The following UPK2 variants were observed in gnomAD, a reference collection of about 807,000 sequenced individuals.
UPK2 encodes the protein uroplakin 2.
A neutral mutation model predicts 14.8 loss-of-function variants in UPK2; 19 were observed. That is an observed-to-expected ratio of 1.29 (90% CI 0.90 to 1.89). The LOEUF is 1.89. UPK2 is among the 40% of genes most tolerant of loss of function. The probability of loss-of-function intolerance (pLI) is 0.00; values close to 1 mark genes in which losing one functional copy is unlikely to be tolerated. For missense variants in UPK2, 232 were observed against 236.0 expected, an observed-to-expected ratio of 0.98 and a Z score of 0.11; for synonymous variants, 102 against 101.6, an observed-to-expected ratio of 1.00 and a Z score of -0.02.
At chr11:118,957,093 T>C (rs1343777399) in intron 2 of UPK2, 79 bp downstream of exon 2, 13 of 1,606,332 alleles carry the variant, frequency 8.1e-6, no homozygotes, top group Non-Finnish European at 1.0e-5. Flanking sequence ...CTTTTCCCCA[T>C]TCATGCCTTC....
Position 118,956,853 on chromosome 11 carries a change from C to T in UPK2, c.77-30C>T. 3 of 1,613,184 alleles carry T rather than the reference C, an allele frequency of 1.9e-6. No individual in the cohort carries two copies. Among genetic ancestry groups the T allele is most frequent in the Non-Finnish European group, 2.5e-6 (3 of 1,179,642 alleles). On this transcript the variant is annotated intron_variant, in intron 1 of 4. Transcript: ENST00000264031. The surrounding 1 kb of genome is among the most constrained non-coding windows in gnomAD (Gnocchi z 4.1). ...TCTGTTGGCCAGGAGGGGTCAGTCC[C>T]CATCGGAGCTCCCTCCTGCCTCCCA...
Position 118,957,030 on chromosome 11 carries a change from C to T in UPK2, c.208+16C>T, listed in dbSNP as rs1174096637. The T allele has an allele frequency of 3.1e-6, 5 of 1,613,752 alleles. No individual in the cohort carries two copies. Among genetic ancestry groups the T allele is most frequent in the East Asian group, 4.5e-5 (2 of 44,882 alleles). ...GACAGCAAAGGTCTGCTACCTTCTC[C>T]CAAGGCATCCCTCTAGTCCCCAAAG... is the stretch of plus-strand genomic sequence containing the variant. On this transcript the variant is annotated intron_variant, in intron 2 of 4. Coordinates refer to ENST00000264031, the MANE Select transcript of UPK2 (RefSeq NM_006760.4).
At chr11:118,957,760 G>A in intron 4 of UPK2, 92 bp downstream of exon 4, 1 of 1,495,516 alleles carries the variant, frequency 6.7e-7, no homozygotes, top group East Asian at 2.3e-5. Context: ...GGTTGCCTGT[G>A]CCTCCCCGTG....
rs777341891 is a variant in UPK2, at chr11:118,956,445, A to T, written c.76+19A>T. The T allele has an allele frequency of 2.7e-5, 40 of 1,491,276 alleles. No homozygotes were observed. The highest frequency in any genetic ancestry group is 3.5e-5 in the Non-Finnish European group (38 of 1,077,336). 92.4% of individuals were successfully genotyped at this position (1,491,276 alleles called of 1,614,324 possible). On this transcript the variant is annotated intron_variant, in intron 1 of 4. Coordinates refer to ENST00000264031, the MANE Select transcript of UPK2 (RefSeq NM_006760.4). This position sits in a 1 kb window ranked among gnomAD's most constrained non-coding sequence, Gnocchi z 4.1. ...GCTGCAGGTCTCTTCCATCTCTGGC[A>T]GGGGTGGGAAGGGGGCTGGGGGCCT...
Position 118,956,810 on chromosome 11 carries a change from C to A in UPK2, c.77-73C>A. On this transcript the variant is annotated intron_variant, in intron 1 of 4. Coordinates refer to ENST00000264031, the MANE Select transcript of UPK2 (RefSeq NM_006760.4). This position sits in a 1 kb window ranked among gnomAD's most constrained non-coding sequence, Gnocchi z 4.1. ...CACAGAGTGGAAAGGGAGATGGCTC[C>A]AATGGGACCGGGCCAGATCTGTTGG... 6 of 1,590,756 alleles carry A rather than the reference C, an allele frequency of 3.8e-6. No homozygotes were observed. Among genetic ancestry groups the A allele is most frequent in the Middle Eastern group, 3.5e-4 (2 of 5,716 alleles).
chr11:118,956,308 G>C lies in UPK2; in HGVS notation c.-43G>C, dbSNP rs1335306613. ...CAGGGGCAGGGCCTCACTTGCCTCAGGAACCCCAGCCTGCCAGCACCTATT... is the reference window on the plus strand; with the variant it reads ...CAGGGGCAGGGCCTCACTTGCCTCACGAACCCCAGCCTGCCAGCACCTATT... On this transcript the variant is annotated 5_prime_UTR_variant, in exon 1 of 5. Coordinates refer to ENST00000264031, the MANE Select transcript of UPK2 (RefSeq NM_006760.4). This position sits in a 1 kb window ranked among gnomAD's most constrained non-coding sequence, Gnocchi z 4.1. 6.3e-7 allele frequency: 1 copy of C among 1,586,408 alleles called. No individual in the cohort carries two copies. Among genetic ancestry groups the C allele is most frequent in the African/African-American group, 1.3e-5 (1 of 74,406 alleles).
At position 118,956,342 on chromosome 11, in the gene UPK2, C is replaced by G; in HGVS notation, c.-9C>G. The G allele has an allele frequency of 6.2e-7, 1 of 1,611,214 alleles. No homozygotes were observed. The highest frequency in any genetic ancestry group is 8.5e-7 in the Non-Finnish European group (1 of 1,179,820). ...GCCTGCCAGCACCTATTCCACCTCC[C>G]AGCCCAGCATGGCACCCCTGCTGCC... is the stretch of plus-strand genomic sequence containing the variant. On this transcript the variant is annotated 5_prime_UTR_variant, in exon 1 of 5. Transcript: ENST00000264031. The surrounding 1 kb of genome is among the most constrained non-coding windows in gnomAD (Gnocchi z 4.1).
Position 118,956,550 on chromosome 11 carries a change from C to G in UPK2, c.76+124C>G. 1 of 837,124 alleles carries G rather than the reference C, an allele frequency of 1.2e-6. No homozygotes were observed. The highest frequency in any genetic ancestry group is 1.9e-6 in the Non-Finnish European group (1 of 522,742). The allele number at this position is 837,124 out of a possible 1,614,324, so 51.9% of individuals were successfully genotyped here. On this transcript the variant is annotated intron_variant, in intron 1 of 4. Transcript: ENST00000264031. The surrounding 1 kb of genome is among the most constrained non-coding windows in gnomAD (Gnocchi z 4.1). ...GAGTCAGGGCTGGTGATGGCAGTGA[C>G]TGGGTATCAGACACTGGGCTCAGGG... is the stretch of plus-strand genomic sequence containing the variant.
At position 118,956,843 on chromosome 11, in the gene UPK2, G is replaced by T; in HGVS notation, c.77-40G>T. ...CCGGGCCAGATCTGTTGGCCAGGAG[G>T]GGTCAGTCCCCATCGGAGCTCCCTC... is the stretch of plus-strand genomic sequence containing the variant. On this transcript the variant is annotated intron_variant, in intron 1 of 4. Transcript: ENST00000264031. The surrounding 1 kb of genome is among the most constrained non-coding windows in gnomAD (Gnocchi z 4.1). 1 of 1,612,250 alleles carries T rather than the reference G, an allele frequency of 6.2e-7. No homozygotes were observed.
chr11:118,957,029 C>T lies in UPK2; in HGVS notation c.208+15C>T. On this transcript the variant is annotated intron_variant, in intron 2 of 4. Coordinates refer to ENST00000264031, the MANE Select transcript of UPK2 (RefSeq NM_006760.4). ...TGACAGCAAAGGTCTGCTACCTTCT[C>T]CCAAGGCATCCCTCTAGTCCCCAAA... 1 of 1,613,784 alleles carries T rather than the reference C, an allele frequency of 6.2e-7. No homozygotes were observed. Among genetic ancestry groups the T allele is most frequent in the Non-Finnish European group, 8.5e-7 (1 of 1,179,936 alleles).
chr11:118,956,964 T>C lies in UPK2; in HGVS notation c.158T>C (p.Leu53Pro). The C allele has an allele frequency of 6.2e-6, 10 of 1,614,004 alleles. No individual in the cohort carries two copies. The highest frequency in any genetic ancestry group is 8.5e-6 in the Non-Finnish European group (10 of 1,179,994). Residue 53 changes from leucine to proline, a missense_variant, in exon 2 of 5, where the codon CTC becomes CCC. Coordinates refer to ENST00000264031, the MANE Select transcript of UPK2 (RefSeq NM_006760.4). The surrounding 1 kb of genome is among the most constrained non-coding windows in gnomAD (Gnocchi z 4.1). ...CTGGTTGCCTTGCCCCCCTGTCACC[T>C]CACAGGAGGCAATGCCACACTGATG... ...SLLVALPPCHLTGGNATLMVR... is the reference protein window; with the variant it reads ...SLLVALPPCHPTGGNATLMVR...
intron 4 of UPK2, 41 bp downstream of exon 4, chr11:118,957,709 A>T: frequency 6.2e-7 from 1 of 1,610,044 alleles, no homozygotes; most frequent in Non-Finnish European, 8.5e-7. Context: ...CTCAGCGGCC[A>T]CAAACGCTTC....
Position 118,958,347 on chromosome 11 carries a change from C to T in UPK2, c.*114C>T, listed in dbSNP as rs971694513. 3 of 1,220,132 alleles carry T rather than the reference C, an allele frequency of 2.5e-6. No individual in the cohort carries two copies. The highest frequency in any genetic ancestry group is 5.3e-5 in the Admixed American group (2 of 37,750). 75.6% of individuals were successfully genotyped at this position (1,220,132 alleles called of 1,614,324 possible). A position where few individuals can be genotyped will look rare whatever the true frequency, so the allele number is the denominator to read the frequency against. On this transcript the variant is annotated 3_prime_UTR_variant, in exon 5 of 5. Transcript: ENST00000264031. This position sits in a 1 kb window ranked among gnomAD's most constrained non-coding sequence, Gnocchi z 4.6. Reference sequence around the variant, plus strand: ...GGCTCCCTTGGTGCCCTCGCCTCCTCCTCCTGCCCTCCTCTCCCCTAGAGC... The same window carrying T: ...GGCTCCCTTGGTGCCCTCGCCTCCTTCTCCTGCCCTCCTCTCCCCTAGAGC...
In UPK2 at chr11:118,958,019, G is replaced by A. The variant is rs897637737; in HGVS notation, c.419-78G>A. ...TGGTTGGTTGGGCAGTCTGTTGGCT[G>A]GATGAGTGTGAGGCCGTGAGCCTCA... On this transcript the variant is annotated intron_variant, in intron 4 of 4. Transcript: ENST00000264031. This position sits in a 1 kb window ranked among gnomAD's most constrained non-coding sequence, Gnocchi z 4.6. 7.2e-6 allele frequency: 11 copies of A among 1,532,068 alleles called. No homozygotes were observed. In the East Asian group the frequency reaches 2.3e-4, roughly 32 times the overall value. The allele number at this position is 1,532,068 out of a possible 1,614,324, so 94.9% of individuals were successfully genotyped here. A position where few individuals can be genotyped will look rare whatever the true frequency, so the allele number is the denominator to read the frequency against.
At chr11:118,957,531 G>A in intron 3 of UPK2, 67 bp from the exon 4 acceptor site, 1 of 1,593,734 alleles carries the variant, frequency 6.3e-7, no homozygotes. Context: ...GGCCCAGGCT[G>A]GAGCCCCTCT....
rs757665952 is a variant in UPK2, at chr11:118,956,882, G to A, written c.77-1G>A. On this transcript the variant is annotated splice_acceptor_variant, in intron 1 of 4. Transcript: ENST00000264031. LOFTEE classifies it high-confidence loss of function. The surrounding 1 kb of genome is among the most constrained non-coding windows in gnomAD (Gnocchi z 4.1). ...CGGAGCTCCCTCCTGCCTCCCATCAGACTTCAACATCTCAAGCCTCTCTGG... is the reference window on the plus strand; with the variant it reads ...CGGAGCTCCCTCCTGCCTCCCATCAAACTTCAACATCTCAAGCCTCTCTGG... 1.9e-6 allele frequency: 3 copies of A among 1,613,938 alleles called. No individual in the cohort carries two copies. In the Admixed American group the frequency reaches 5.0e-5, roughly 27 times the overall value.
chr11:118,956,844 G>T lies in UPK2; in HGVS notation c.77-39G>T, dbSNP rs762874958. 6.2e-7 allele frequency: 1 copy of T among 1,612,514 alleles called. No individual in the cohort carries two copies. Among genetic ancestry groups the T allele is most frequent in the Non-Finnish European group, 8.5e-7 (1 of 1,179,306 alleles). ...CGGGCCAGATCTGTTGGCCAGGAGG[G>T]GTCAGTCCCCATCGGAGCTCCCTCC... is the stretch of plus-strand genomic sequence containing the variant. On this transcript the variant is annotated intron_variant, in intron 1 of 4. Transcript: ENST00000264031. This position sits in a 1 kb window ranked among gnomAD's most constrained non-coding sequence, Gnocchi z 4.1.
rs1328758867 is a variant in UPK2 at position 118,958,303 on chromosome 11, TCCCAGG to T, written c.*74_*79del. 6.6e-7 allele frequency: 1 copy of T among 1,518,214 alleles called. No homozygotes were observed. Among genetic ancestry groups the T allele is most frequent in the Non-Finnish European group, 8.8e-7 (1 of 1,134,154 alleles). The allele number at this position is 1,518,214 out of a possible 1,614,324, so 94.0% of individuals were successfully genotyped here. On this transcript the variant is annotated 3_prime_UTR_variant, in exon 5 of 5. Coordinates refer to ENST00000264031, the MANE Select transcript of UPK2 (RefSeq NM_006760.4). This position sits in a 1 kb window ranked among gnomAD's most constrained non-coding sequence, Gnocchi z 4.6. ...CCATCCAGCTCCCCAGCCCACCTGC[TCCCAGG>T]CCCCAGGCCTGTGGCTCCCTTGGTG...
intron 4 of UPK2, 145 bp from the exon 5 acceptor site, chr11:118,957,952 G>T: frequency 7.0e-6 from 8 of 1,150,654 alleles, no homozygotes; most frequent in Non-Finnish European, 9.8e-6. Flanking sequence ...CAGCTGGTTG[G>T]TTGGTTGGTT....
Sources: allele counts gnomAD v4.1 joint callset, GRCh38; gene constraint gnomAD v4.1.1; non-coding constraint Gnocchi (gnomAD v3.1); transcripts MANE v1.5; gene names NCBI Gene and HGNC (gene_info 2026-07-23, HGNC 2026-07-21).